THSD7A: variants seen among roughly 807,000 people sequenced by gnomAD.
THSD7A encodes the protein thrombospondin type-1 domain-containing protein 7A.
A neutral mutation model predicts 231.3 loss-of-function variants in THSD7A; 96 were observed. That is an observed-to-expected ratio of 0.41 (90% confidence interval 0.35 to 0.49). THSD7A has a LOEUF of 0.49. Among genes scored for constraint, THSD7A ranks in the 20% least tolerant of loss-of-function variants. The probability of loss-of-function intolerance (pLI) is 0.05; values close to 1 mark genes in which losing one functional copy is unlikely to be tolerated. For missense variants in THSD7A, 2,290 were observed against 2,070.2 expected (o/e 1.11, Z -2.06); for synonymous variants, 940 against 743.3 (o/e 1.26, Z -4.30).
intron 1 of THSD7A, among the ~76,000 whole-genome samples, chr7:11,660,179 C>G (rs1438873577): frequency 4.6e-5 from 7 of 151,468 alleles, no homozygotes; most frequent in Admixed American, 4.6e-4. Flanking sequence ...CTGCTTTCAA[C>G]AGATAGAGAG....
At chr7:11,583,097 T>C (rs1448146334) in intron 4 of THSD7A, among the ~76,000 whole-genome samples, 1 of 152,154 alleles carries the variant, frequency 6.6e-6, no homozygotes, top group Non-Finnish European at 1.5e-5. Context: ...AGTTTGCTAA[T>C]AACTCTTTAG....
intron 24 of THSD7A, among the ~76,000 whole-genome samples, chr7:11,381,121 T>C (rs759229873): frequency 6.6e-6 from 1 of 152,178 alleles, no homozygotes; most frequent in Admixed American, 6.6e-5. Context: ...CTGAGCTCAA[T>C]GGATGACTTC....
intron 1 of THSD7A, among the ~76,000 whole-genome samples, chr7:11,720,016 C>G (rs1781291729): frequency 6.6e-6 from 1 of 151,780 alleles, no homozygotes; most frequent in African/African-American, 2.4e-5. Context: ...CTTCCTTGCT[C>G]AGCCCTCCTT....
intron 1 of THSD7A, among the ~76,000 whole-genome samples, chr7:11,669,423 G>A (rs1404671222): frequency 6.6e-6 from 1 of 151,778 alleles, no homozygotes; most frequent in Non-Finnish European, 1.5e-5. Flanking sequence ...GTTTTTTTAA[G>A]TAATTCACCA....
At chr7:11,459,665 ATTTTTT>A (rs34415355) in intron 11 of THSD7A, among the ~76,000 whole-genome samples, 21 of 39,916 alleles carry the variant, frequency 5.3e-4, no homozygotes, top group African/African-American at 1.2e-3. Flanking sequence ...AAAACAGGGG[ATTTTTT>A]TTTTTTTTTT....
intron 1 of THSD7A, among the ~76,000 whole-genome samples, chr7:11,642,105 A>C (rs1287552418): frequency 1.3e-5 from 2 of 152,202 alleles, no homozygotes; most frequent in Non-Finnish European, 2.9e-5. Flanking sequence ...ACAATTTGAA[A>C]ACACAATATG....
At chr7:11,449,786 T>G (rs1785086384) in intron 11 of THSD7A, among the ~76,000 whole-genome samples, 1 of 151,946 alleles carries the variant, frequency 6.6e-6, no homozygotes, top group South Asian at 2.1e-4. Flanking sequence ...ACTTAGTAAG[T>G]GCCGATGGTT....
At chr7:11,829,741 G>T (rs1785137739) in intron 1 of THSD7A, among the ~76,000 whole-genome samples, 2 of 149,882 alleles carry the variant, frequency 1.3e-5, no homozygotes, top group African/African-American at 2.5e-5. Flanking sequence ...ATATTCTCTA[G>T]TTCTTTTGAG....
intron 11 of THSD7A, among the ~76,000 whole-genome samples, chr7:11,455,764 G>A (rs1785287680): frequency 6.6e-6 from 1 of 151,890 alleles, no homozygotes; most frequent in East Asian, 1.9e-4. Flanking sequence ...TTCTGAATAA[G>A]GATGATTCTC....
chr7:11,754,157 T>G (rs948636951), intron 1 of THSD7A, among the ~76,000 whole-genome samples: 3 of 152,040 alleles, frequency 2.0e-5, no homozygotes, highest in Admixed American at 6.6e-5. Flanking sequence ...TTAAATAATC[T>G]ATTACAAATA....
At chr7:11,731,816 A>G (rs566514913) in intron 1 of THSD7A, among the ~76,000 whole-genome samples, 1 of 151,782 alleles carries the variant, frequency 6.6e-6, no homozygotes, top group East Asian at 1.9e-4. Flanking sequence ...TTGATAAAAG[A>G]AGAATTATGA....
chr7:11,629,272 A>C (rs1027468179), intron 2 of THSD7A, among the ~76,000 whole-genome samples: 4 of 152,174 alleles, frequency 2.6e-5, no homozygotes, highest in African/African-American at 9.7e-5. Context: ...GTCAAACATA[A>C]TATACTGCCT....
chr7:11,538,480 A>T (rs556720209), intron 6 of THSD7A, among the ~76,000 whole-genome samples: 5 of 152,282 alleles, frequency 3.3e-5, no homozygotes, highest in Admixed American at 3.3e-4. Flanking sequence ...CCAATTTAGG[A>T]AACAAAATAC....
intron 23 of THSD7A, among the ~76,000 whole-genome samples, chr7:11,396,219 A>T (rs1313725793): frequency 6.6e-6 from 1 of 152,214 alleles, no homozygotes; most frequent in Non-Finnish European, 1.5e-5. Context: ...CAACACCTTA[A>T]CATCACAATT....
intron 23 of THSD7A, among the ~76,000 whole-genome samples, chr7:11,391,019 G>A (rs574910417): frequency 6.6e-6 from 1 of 152,288 alleles, no homozygotes; most frequent in East Asian, 1.9e-4. Flanking sequence ...TCTCCTTTAT[G>A]AAGTGTCTTT....
At chr7:11,561,873 A>G (rs1197203770) in intron 4 of THSD7A, among the ~76,000 whole-genome samples, 1 of 152,068 alleles carries the variant, frequency 6.6e-6, no homozygotes, top group Non-Finnish European at 1.5e-5. Flanking sequence ...AATAAATAAG[A>G]AACTGATGCT....
intron 13 of THSD7A, among the ~76,000 whole-genome samples, chr7:11,431,456 G>C (rs959748404): frequency 1.3e-5 from 2 of 152,078 alleles, no homozygotes; most frequent in African/African-American, 4.8e-5. Context: ...GAAAAAACCT[G>C]TTCTTTCCTA....
In THSD7A at chr7:11,651,478, A is replaced by G. The variant is rs545385994; in HGVS notation, c.191-14517T>C. ...CACTGTATCCATCTATTATCTATCT[A>G]TCTATCAACTATCTATCTATCTATC... is the stretch of plus-strand genomic sequence containing the variant. On this transcript the variant is annotated intron_variant, in intron 1 of 27. Transcript: ENST00000423059. Among the ~76,000 whole-genome samples the G allele has an allele frequency of 3.1e-3, 427 of 136,478 alleles. 2 individuals carry two copies. Among genetic ancestry groups the G allele is most frequent in the Non-Finnish European group, 4.1e-3 (261 of 63,896 alleles). The allele number at this position is 136,478 out of a possible 152,430, so 89.5% of individuals were successfully genotyped here.
intron 13 of THSD7A, among the ~76,000 whole-genome samples, chr7:11,445,852 T>C (rs926327904): frequency 3.3e-5 from 5 of 152,048 alleles, no homozygotes; most frequent in Non-Finnish European, 5.9e-5. Context: ...GTCATTATCT[T>C]TGGGACTTAA....
Sources: allele counts gnomAD v4.1 joint callset (sites outside exome capture counted in the v4.1 genomes callset), GRCh38; gene constraint gnomAD v4.1.1; transcripts MANE v1.5; gene names NCBI Gene and HGNC (gene_info 2026-07-23, HGNC 2026-07-21).